The following ELMO1 variants were observed in gnomAD, a reference collection of about 807,000 sequenced individuals.
ELMO1 encodes engulfment and cell motility 1.
A neutral mutation model predicts 98.9 loss-of-function variants in ELMO1; 26 were observed. The observed-to-expected ratio is 0.26, with a 90% CI of 0.19 to 0.36. ELMO1 has a LOEUF of 0.36. Ranked by LOEUF, ELMO1 falls within the 10% of genes least tolerant of loss-of-function variation. The probability of loss-of-function intolerance (pLI) is 1.00; values close to 1 mark genes in which losing one functional copy is unlikely to be tolerated. For synonymous variants in ELMO1, 346 were observed against 346.0 expected (o/e 1.00, Z 0.00); for missense variants, 627 against 935.2 (o/e 0.67, Z 4.30).
intron 16 of ELMO1, among the ~76,000 whole-genome samples, chr7:36,908,881 G>A (rs1784149863): frequency 6.6e-6 from 1 of 152,174 alleles, no homozygotes; most frequent in Non-Finnish European, 1.5e-5. Context: ...AGCATTTCCT[G>A]GGTGTTTACT....
chr7:36,969,639 G>T (rs559611592), intron 16 of ELMO1, among the ~76,000 whole-genome samples: 1 of 152,234 alleles, frequency 6.6e-6, no homozygotes, highest in East Asian at 1.9e-4. Context: ...GGGGTGTGGG[G>T]TAGGAGGTGT....
At chr7:37,216,216 T>C (rs1793272710) in intron 11 of ELMO1, among the ~76,000 whole-genome samples, 1 of 151,746 alleles carries the variant, frequency 6.6e-6, no homozygotes, top group Admixed American at 6.6e-5. Flanking sequence ...TTCCTTCCTC[T>C]CTCTTGCATG....
chr7:37,277,606 T>C (rs1358394127), intron 4 of ELMO1, among the ~76,000 whole-genome samples: 1 of 152,294 alleles, frequency 6.6e-6, no homozygotes, highest in Non-Finnish European at 1.5e-5. Context: ...GTCATCTCTC[T>C]CTTGAGCCAG....
chr7:37,220,212 A>G (rs1396955047), intron 10 of ELMO1, among the ~76,000 whole-genome samples: 2 of 152,212 alleles, frequency 1.3e-5, no homozygotes, highest in Non-Finnish European at 2.9e-5. Context: ...AATTTTTTTA[A>G]ATTTAAAAAT....
At chr7:37,090,708 C>T (rs554394123) in intron 15 of ELMO1, among the ~76,000 whole-genome samples, 1 of 152,330 alleles carries the variant, frequency 6.6e-6, no homozygotes, top group African/African-American at 2.4e-5. Flanking sequence ...TCACACCTTG[C>T]AAGACTCTCC....
chr7:37,317,664 C>T (rs1799261063), intron 2 of ELMO1, among the ~76,000 whole-genome samples: 1 of 151,784 alleles, frequency 6.6e-6, no homozygotes, highest in Non-Finnish European at 1.5e-5. Context: ...GAATGGTTAC[C>T]AGAAGCTGTG....
intron 10 of ELMO1, 23 bp downstream of exon 10, chr7:37,222,592 A>T: frequency 6.2e-7 from 1 of 1,611,478 alleles, no homozygotes. Context: ...ACATAGCCAT[A>T]AGACTAAAGA....
intron 15 of ELMO1, among the ~76,000 whole-genome samples, chr7:37,037,190 A>G (rs1366888276): frequency 2.0e-5 from 3 of 152,232 alleles, no homozygotes; most frequent in African/African-American, 7.2e-5. Context: ...AAAAGACTAG[A>G]ATATGCCCTT....
chr7:37,037,043 G>A (rs573251121), intron 15 of ELMO1, among the ~76,000 whole-genome samples: 5 of 152,196 alleles, frequency 3.3e-5, no homozygotes, highest in African/African-American at 1.2e-4. Context: ...GAAGGAAAGA[G>A]AAATACCATG....
intron 13 of ELMO1, among the ~76,000 whole-genome samples, chr7:37,195,831 A>G (rs369282249): frequency 1.1e-4 from 17 of 152,152 alleles, no homozygotes; most frequent in Admixed American, 5.2e-4. Context: ...GTCACAGGGA[A>G]GGCTGCAGTG....
chr7:37,250,988 C>T (rs965388893), intron 6 of ELMO1, among the ~76,000 whole-genome samples: 1 of 152,000 alleles, frequency 6.6e-6, no homozygotes, highest in African/African-American at 2.4e-5. Flanking sequence ...GGAAATGTTT[C>T]CCCTGTTTTT....
chr7:37,101,059 G>C (rs1473938465), intron 14 of ELMO1, among the ~76,000 whole-genome samples: 1 of 152,188 alleles, frequency 6.6e-6, no homozygotes, highest in African/African-American at 2.4e-5. Context: ...ATGGCCCATG[G>C]CCAACATTTC....
In ELMO1 at chr7:37,230,445, TGAG is replaced by T. The variant is rs149409752; in HGVS notation, c.549+2647_549+2649del. 9.7e-3 allele frequency among the ~76,000 whole-genome samples: 1,469 copies of T among 152,174 alleles called. 29 individuals carry two copies. The highest frequency in any genetic ancestry group is 0.034 in the African/African-American group (1,410 of 41,504). On this transcript the variant is annotated intron_variant, in intron 8 of 21. Coordinates refer to ENST00000310758, the MANE Select transcript of ELMO1 (RefSeq NM_014800.11). ...CCACTTGGAAAGCACAGGTGCATGATGAGGAGGAGAAGCACCCTGACCATGTGA... is the reference window on the plus strand; with the variant it reads ...CCACTTGGAAAGCACAGGTGCATGATGAGGAGAAGCACCCTGACCATGTGA...
intron 15 of ELMO1, among the ~76,000 whole-genome samples, chr7:37,046,074 T>A (rs185841621): frequency 6.0e-4 from 91 of 152,222 alleles, no homozygotes; most frequent in Non-Finnish European, 1.1e-3. Context: ...CCTAAGTTTA[T>A]AATCACCATA....
chr7:37,113,689 T>C (rs955438636), intron 14 of ELMO1, among the ~76,000 whole-genome samples: 2 of 152,212 alleles, frequency 1.3e-5, no homozygotes, highest in Admixed American at 6.5e-5. Context: ...ACCCGCTGTA[T>C]AGCATGTGAC....
chr7:37,211,445 C>A lies in ELMO1; in HGVS notation c.1027G>T (p.Gly343Cys). The A allele has an allele frequency of 6.2e-7, 1 of 1,614,042 alleles. No homozygotes were observed. Among genetic ancestry groups the A allele is most frequent in the Non-Finnish European group, 8.5e-7 (1 of 1,179,996 alleles). The change falls in exon 13 of 22, where the codon GGC (glycine) becomes TGC (cysteine). Residue 343 changes from glycine to cysteine, a missense_variant. Physicochemically the swap from Gly to Cys is radical, Grantham distance 159. This residue lies in a region of ELMO1 where 492 missense variants were observed against 715.6 expected (regional missense o/e 0.69). Transcript: ENST00000310758. ...DAESEPNNSS[G>C]SMEKRKSMYT... ...ATGGACTTGCGTTTCTCCATGCTGC[C>A]ACTGCTGTTGTTAGGTTCAGACTCA...
At chr7:37,316,520 A>G (rs1451323998) in intron 2 of ELMO1, among the ~76,000 whole-genome samples, 1 of 152,178 alleles carries the variant, frequency 6.6e-6, no homozygotes. Context: ...CACTCCAGTA[A>G]TGCGACCATG....
chr7:37,271,071 C>A (rs950487207), intron 5 of ELMO1: 1 of 152,192 alleles, frequency 6.6e-6, no homozygotes, highest in African/African-American at 2.4e-5. Context: ...TCCCGAGTAG[C>A]TGGGACTACA....
intron 15 of ELMO1, among the ~76,000 whole-genome samples, chr7:37,054,835 C>T (rs1796310533): frequency 6.6e-6 from 1 of 152,180 alleles, no homozygotes; most frequent in South Asian, 2.1e-4. Flanking sequence ...GGCACCTCTC[C>T]CAACTTCATT....
Sources: gnomAD v4.1 joint callset for allele counts (sites outside exome capture counted in the v4.1 genomes callset) on GRCh38, gnomAD v4.1.1 for gene constraint, gnomAD v4.1.1 regional missense constraint, MANE v1.5 for transcripts, NCBI Gene and HGNC (gene_info 2026-07-23, HGNC 2026-07-21) for gene names.